The following SRGAP1 variants were observed in gnomAD, a reference collection of about 807,000 sequenced individuals.
The protein encoded by SRGAP1 is SLIT-ROBO Rho GTPase-activating protein 1.
SRGAP1 carries 43 observed loss-of-function variants against 121.9 expected under a neutral mutation model. The ratio of observed to expected loss-of-function variants is 0.35; its 90% CI spans 0.28 to 0.46. The LOEUF (loss-of-function observed/expected upper bound fraction) is 0.46, where lower values mean the gene tolerates loss of function less well. Ranked by LOEUF, SRGAP1 falls within the 20% of genes least tolerant of loss-of-function variation. The pLI is 1.00. For missense variants in SRGAP1, 1,102 were observed against 1,350.9 expected (o/e 0.82, Z 2.89); for synonymous variants, 447 against 485.4 (o/e 0.92, Z 1.04).
chr12:64,028,423 C>T (rs1233967546), intron 4 of SRGAP1, among the ~76,000 whole-genome samples: 1 of 152,246 alleles, frequency 6.6e-6, no homozygotes. Flanking sequence ...GGCTCCCCGG[C>T]CTCTCAGGTG....
intron 4 of SRGAP1, among the ~76,000 whole-genome samples, chr12:64,028,923 A>G (rs1202150684): frequency 1.3e-5 from 2 of 152,206 alleles, no homozygotes; most frequent in African/African-American, 2.4e-5. Context: ...ACCAGTGATC[A>G]CTGCAAGGGC....
Position 63,958,226 on chromosome 12 carries a change from C to A in SRGAP1, c.68-25721C>A, listed in dbSNP as rs574530505. ...CTGGCACCCAGTGGTATTCTTATGGCCCTTGCATTCCTTCTCAGAAACCTT... is the reference window on the plus strand; with the variant it reads ...CTGGCACCCAGTGGTATTCTTATGGACCTTGCATTCCTTCTCAGAAACCTT... On this transcript the variant is annotated intron_variant, in intron 1 of 21. Transcript: ENST00000355086. 4.0e-4 allele frequency among the ~76,000 whole-genome samples: 61 copies of A among 152,248 alleles called. No individual in the cohort carries two copies. The East Asian group carries it at 0.01, about 25-fold the overall frequency.
intron 1 of SRGAP1, among the ~76,000 whole-genome samples, chr12:63,914,490 A>G (rs1280024288): frequency 6.6e-6 from 1 of 152,236 alleles, no homozygotes; most frequent in Non-Finnish European, 1.5e-5. Flanking sequence ...ACAATTTAAT[A>G]TTGTCAAGAA....
Position 64,130,611 on chromosome 12 carries a change from C to G in SRGAP1, c.2880+2411C>G, listed in dbSNP as rs1056645465. 2.0e-5 allele frequency among the ~76,000 whole-genome samples: 3 copies of G among 152,178 alleles called. 1 individual carries two copies. The highest frequency in any genetic ancestry group is 7.2e-5 in the African/African-American group (3 of 41,442). On this transcript the variant is annotated intron_variant, in intron 21 of 21. Coordinates refer to ENST00000355086, the MANE Select transcript of SRGAP1 (RefSeq NM_020762.4). ...CTAGTTGGTGTTGCAATTGTGACATCACAAGACCAATCCACCATTCTGTCA... is the reference window on the plus strand; with the variant it reads ...CTAGTTGGTGTTGCAATTGTGACATGACAAGACCAATCCACCATTCTGTCA...
intron 4 of SRGAP1, among the ~76,000 whole-genome samples, chr12:64,020,978 G>A (rs1484267522): frequency 6.8e-6 from 1 of 147,086 alleles, no homozygotes; most frequent in African/African-American, 2.5e-5. Flanking sequence ...AAGATTGACA[G>A]TGCAGGCCGG....
At chr12:64,126,756 T>G (rs2036693291) in intron 19 of SRGAP1, among the ~76,000 whole-genome samples, 2 of 152,262 alleles carry the variant, frequency 1.3e-5, no homozygotes, top group Admixed American at 1.3e-4. Flanking sequence ...ATTTCAGAAA[T>G]GTTAAAATGT....
rs1378174600 is a variant in SRGAP1, at chr12:64,146,599, T to C, written c.*3927T>C. On this transcript the variant is annotated 3_prime_UTR_variant, in exon 22 of 22. Transcript: ENST00000355086. Reference sequence around the variant, plus strand: ...GATGATGCTCATTGATTCCTGACCATAGCAGTGAGAGGCCATTTTTTGTGC... The same window carrying C: ...GATGATGCTCATTGATTCCTGACCACAGCAGTGAGAGGCCATTTTTTGTGC... The C allele has an allele frequency of 6.6e-6, 1 of 152,146 alleles. No individual in the cohort carries two copies. The highest frequency in any genetic ancestry group is 1.9e-4 in the East Asian group (1 of 5,182). 9.4% of individuals were successfully genotyped at this position (152,146 alleles called of 1,614,324 possible).
At chr12:63,857,961 A>G (rs140608480) in intron 1 of SRGAP1, among the ~76,000 whole-genome samples, 64 of 152,328 alleles carry the variant, frequency 4.2e-4, no homozygotes, top group African/African-American at 1.4e-3. Flanking sequence ...TCAGTTTATT[A>G]TAGATACTCT....
rs562093540 is a variant in SRGAP1, at chr12:64,029,189, A to G, written c.489+12177A>G. On this transcript the variant is annotated intron_variant, in intron 4 of 21. Transcript: ENST00000355086. The stretch of plus-strand genomic sequence containing the variant: ...GCCAGCAAGTACGGAGAGAGGAGCT[A>G]TGACTTTAAGGTCTTAGAATTTGTG... Among the ~76,000 whole-genome samples the G allele has an allele frequency of 5.9e-5, 9 of 152,306 alleles. No individual in the cohort carries two copies. The East Asian group carries it at 1.7e-3, about 29-fold the overall frequency.
At chr12:63,955,856 T>C (rs1226125161) in intron 1 of SRGAP1, among the ~76,000 whole-genome samples, 1 of 152,194 alleles carries the variant, frequency 6.6e-6, no homozygotes, top group Non-Finnish European at 1.5e-5. Context: ...TTAATGACTA[T>C]TATTTTGCCT....
chr12:63,925,032 G>A (rs930760477), intron 1 of SRGAP1, among the ~76,000 whole-genome samples: 2 of 152,188 alleles, frequency 1.3e-5, no homozygotes, highest in African/African-American at 4.8e-5. Context: ...TGGTACAGGA[G>A]GGGTGACTGT....
intron 1 of SRGAP1, among the ~76,000 whole-genome samples, chr12:63,946,509 C>T (rs2032052296): frequency 6.6e-6 from 1 of 150,910 alleles, no homozygotes; most frequent in South Asian, 2.1e-4. Flanking sequence ...CCTGCTTTCT[C>T]TTGCTGGTTA....
At chr12:64,079,781 G>A (rs1286274324) in intron 9 of SRGAP1, among the ~76,000 whole-genome samples, 4 of 152,016 alleles carry the variant, frequency 2.6e-5, no homozygotes, top group African/African-American at 9.7e-5. Flanking sequence ...CCAGAGGTCT[G>A]GTACAGAAGG....
At chr12:63,860,857 G>A (rs946872696) in intron 1 of SRGAP1, among the ~76,000 whole-genome samples, 5 of 147,484 alleles carry the variant, frequency 3.4e-5, no homozygotes, top group South Asian at 2.1e-4. Flanking sequence ...AAAGGGTCTC[G>A]CTTTGTTGCC....
At chr12:64,030,500 C>T (rs567919516) in intron 4 of SRGAP1, among the ~76,000 whole-genome samples, 1 of 152,156 alleles carries the variant, frequency 6.6e-6, no homozygotes. Context: ...GTAAGTTGAT[C>T]CTTTTTCATT....
rs2037072757 is a variant in SRGAP1, at chr12:64,147,516, T to G, written c.*4844T>G. On this transcript the variant is annotated 3_prime_UTR_variant, in exon 22 of 22. Coordinates refer to ENST00000355086, the MANE Select transcript of SRGAP1 (RefSeq NM_020762.4). ...TCCTCAGACTGTCTCGTTTTCCTTGTAGACGTGATTGTGCCTTTCTCACCC... is the reference window on the plus strand; with the variant it reads ...TCCTCAGACTGTCTCGTTTTCCTTGGAGACGTGATTGTGCCTTTCTCACCC... The G allele has an allele frequency of 2.5e-6, 1 of 398,700 alleles. No individual in the cohort carries two copies. Among genetic ancestry groups the G allele is most frequent in the South Asian group, 1.3e-4 (1 of 7,848 alleles). 24.7% of individuals were successfully genotyped at this position (398,700 alleles called of 1,614,324 possible). A position where few individuals can be genotyped will look rare whatever the true frequency, so the allele number is the denominator to read the frequency against.
rs1899873948 is a variant in SRGAP1 at position 63,872,124 on chromosome 12, T to C, written c.67+27241T>C. The stretch of plus-strand genomic sequence containing the variant: ...ACCCTTGCCTTGTACAGCTCTCACC[T>C]AACCGGGAGTTTTTCTTTAAATGGA... On this transcript the variant is annotated intron_variant, in intron 1 of 21. Coordinates refer to ENST00000355086, the MANE Select transcript of SRGAP1 (RefSeq NM_020762.4). The C allele has an allele frequency of 6.0e-6, 3 of 503,066 alleles. No homozygotes were observed. The Admixed American group carries it at 9.7e-5, about 16-fold the overall frequency. The allele number at this position is 503,066 out of a possible 1,614,324, so 31.2% of individuals were successfully genotyped here. A position where few individuals can be genotyped will look rare whatever the true frequency, so the allele number is the denominator to read the frequency against.
intron 1 of SRGAP1, among the ~76,000 whole-genome samples, chr12:63,955,923 C>T (rs894306786): frequency 2.0e-5 from 3 of 152,116 alleles, no homozygotes; most frequent in Admixed American, 1.3e-4. Flanking sequence ...AAATCACTTC[C>T]CTAAAAGTAC....
intron 1 of SRGAP1, among the ~76,000 whole-genome samples, chr12:63,939,478 T>A (rs1360319109): frequency 2.0e-5 from 3 of 151,884 alleles, no homozygotes; most frequent in African/African-American, 7.3e-5. Context: ...AACAAAAATA[T>A]TAAATGGAAG....
Sources: allele counts gnomAD v4.1 joint callset (sites outside exome capture counted in the v4.1 genomes callset), GRCh38; gene constraint gnomAD v4.1.1; transcripts MANE v1.5; gene names NCBI Gene and HGNC (gene_info 2026-07-23, HGNC 2026-07-21).